The following CNTN5 variants were observed in gnomAD, a reference collection of about 807,000 sequenced individuals.
CNTN5 encodes the protein contactin-5.
In CNTN5, 77 loss-of-function variants were observed where a neutral mutation model predicts 129.1. That is an observed-to-expected ratio of 0.60 (90% CI 0.50 to 0.72). The LOEUF (loss-of-function observed/expected upper bound fraction) is 0.72. Ranked by LOEUF, CNTN5 falls within the 30% of genes least tolerant of loss-of-function variation. CNTN5 has a pLI of 0.00. For missense variants in CNTN5, 1,478 were observed against 1,328.8 expected (o/e 1.11, Z -1.75); for synonymous variants, 509 against 465.6 (o/e 1.09, Z -1.20).
rs144449438 is a variant in CNTN5, at chr11:100,014,953, C to T, written c.980+12817C>T. Among the ~76,000 whole-genome samples, 177 of 152,224 alleles carry T rather than the reference C, an allele frequency of 1.2e-3. 1 individual carries two copies. Among genetic ancestry groups the T allele is most frequent in the African/African-American group, 4.1e-3 (170 of 41,536 alleles). ...ACATAAGGAGTTTTTATTATCACTA[C>T]GGGTGACCATTTAGGCGTTTTCCAA... On this transcript the variant is annotated intron_variant, in intron 9 of 24. Coordinates refer to ENST00000524871, the MANE Select transcript of CNTN5 (RefSeq NM_014361.4).
chr11:99,850,788 G>A (rs1012125432), intron 6 of CNTN5, among the ~76,000 whole-genome samples: 1 of 151,934 alleles, frequency 6.6e-6, no homozygotes, highest in Non-Finnish European at 1.5e-5. Flanking sequence ...ACATGTAAAG[G>A]AATCTAACAG....
At chr11:100,178,384 A>G (rs2138439760) in intron 13 of CNTN5, among the ~76,000 whole-genome samples, 1 of 152,118 alleles carries the variant, frequency 6.6e-6, no homozygotes, top group East Asian at 1.9e-4. Context: ...ATTCTTTCAA[A>G]TCTGTATCAA....
intron 13 of CNTN5, among the ~76,000 whole-genome samples, chr11:100,153,650 C>T (rs941266793): frequency 8.6e-5 from 13 of 151,976 alleles, no homozygotes; most frequent in African/African-American, 2.9e-4. Flanking sequence ...AAAATGGGCA[C>T]ACAGTTTTGG....
At chr11:99,852,562 A>G (rs1298495541) in intron 6 of CNTN5, among the ~76,000 whole-genome samples, 1 of 152,230 alleles carries the variant, frequency 6.6e-6, no homozygotes, top group African/African-American at 2.4e-5. Context: ...TATTTCTTTT[A>G]CATAAATCAT....
At chr11:99,320,928 C>A in intron 1 of CNTN5, among the ~76,000 whole-genome samples, 1 of 152,112 alleles carries the variant, frequency 6.6e-6, no homozygotes, top group East Asian at 1.9e-4. Context: ...TGGGCCCCAT[C>A]CAATCAGTTC....
At chr11:99,261,934 T>G (rs779356443) in intron 1 of CNTN5, among the ~76,000 whole-genome samples, 2 of 152,060 alleles carry the variant, frequency 1.3e-5, no homozygotes, top group Non-Finnish European at 1.5e-5. Context: ...TCAGCACCCC[T>G]CGGGCATTCC....
intron 13 of CNTN5, among the ~76,000 whole-genome samples, chr11:100,145,848 A>C (rs751889193): frequency 6.6e-6 from 1 of 152,106 alleles, no homozygotes; most frequent in South Asian, 2.1e-4. Context: ...GAGAGGACTT[A>C]AGGGCTTTTG....
At chr11:99,509,170 A>G (rs927528811) in intron 2 of CNTN5, among the ~76,000 whole-genome samples, 1 of 152,194 alleles carries the variant, frequency 6.6e-6, no homozygotes, top group African/African-American at 2.4e-5. Flanking sequence ...ATTCTCATAT[A>G]TATTTCAGAA....
intron 1 of CNTN5, among the ~76,000 whole-genome samples, chr11:99,245,790 G>T (rs1861785435): frequency 6.6e-6 from 1 of 152,078 alleles, no homozygotes; most frequent in Non-Finnish European, 1.5e-5. Context: ...ATAAATCTTT[G>T]TTGTAGGGGA....
chr11:99,338,142 T>G (rs934297163), intron 2 of CNTN5, among the ~76,000 whole-genome samples: 1 of 152,208 alleles, frequency 6.6e-6, no homozygotes, highest in African/African-American at 2.4e-5. Flanking sequence ...TATACTGTTA[T>G]GAACACAAAG....
intron 6 of CNTN5, among the ~76,000 whole-genome samples, chr11:99,882,853 C>T (rs1948807441): frequency 1.3e-5 from 2 of 152,090 alleles, no homozygotes; most frequent in East Asian, 1.9e-4. Flanking sequence ...TTCCCATGTC[C>T]TCTTTATTCC....
chr11:99,384,112 C>T (rs1940774873), intron 2 of CNTN5, among the ~76,000 whole-genome samples: 1 of 152,150 alleles, frequency 6.6e-6, no homozygotes, highest in South Asian at 2.1e-4. Context: ...ACTGTTCCAT[C>T]AAGGGAAAAT....
intron 1 of CNTN5, among the ~76,000 whole-genome samples, chr11:99,300,345 T>C (rs184828957): frequency 2.0e-4 from 31 of 152,294 alleles, no homozygotes; most frequent in African/African-American, 2.4e-5. Flanking sequence ...CTGTATTTTA[T>C]CTAATGCTTT....
chr11:99,587,273 A>G (rs1949824956), intron 3 of CNTN5, among the ~76,000 whole-genome samples: 1 of 152,220 alleles, frequency 6.6e-6, no homozygotes, highest in African/African-American at 2.4e-5. Context: ...TAGAACATGG[A>G]AACAAAGCTC....
At chr11:99,326,711 T>C (rs1021100675) in intron 2 of CNTN5, among the ~76,000 whole-genome samples, 35 of 152,198 alleles carry the variant, frequency 2.3e-4, no homozygotes, top group Non-Finnish European at 1.0e-4. Context: ...TAAATTAATC[T>C]TGTGAAGAAA....
At chr11:99,586,725 G>A (rs957874158) in intron 3 of CNTN5, among the ~76,000 whole-genome samples, 3 of 152,050 alleles carry the variant, frequency 2.0e-5, no homozygotes, top group Non-Finnish European at 2.9e-5. Context: ...TGTAATATAT[G>A]TTCACAAAAT....
intron 1 of CNTN5, among the ~76,000 whole-genome samples, chr11:99,091,876 A>T (rs572431679): frequency 5.9e-5 from 9 of 152,226 alleles, no homozygotes; most frequent in African/African-American, 2.2e-4. Context: ...AACAAAACTA[A>T]CTCAATGATC....
intron 17 of CNTN5, among the ~76,000 whole-genome samples, chr11:100,260,789 C>T (rs1950179327): frequency 6.6e-6 from 1 of 152,130 alleles, no homozygotes; most frequent in African/African-American, 2.4e-5. Context: ...ACTGATGGAA[C>T]ATATCTCAAA....
intron 1 of CNTN5, among the ~76,000 whole-genome samples, chr11:99,146,939 C>T (rs1016914961): frequency 6.6e-6 from 1 of 152,030 alleles, no homozygotes; most frequent in African/African-American, 2.4e-5. Context: ...CCATGCTGGT[C>T]CTGAACTCCT....
Sources: gnomAD v4.1 joint callset for allele counts (sites outside exome capture counted in the v4.1 genomes callset) on GRCh38, gnomAD v4.1.1 for gene constraint, MANE v1.5 for transcripts, NCBI Gene and HGNC (gene_info 2026-07-23, HGNC 2026-07-21) for gene names.